KCNAB1: variants seen among roughly 807,000 people sequenced by gnomAD.
KCNAB1 encodes the protein voltage-gated potassium channel subunit beta-1.
KCNAB1 carries 35 observed loss-of-function variants against 64.6 expected under a neutral mutation model. That is an observed-to-expected ratio of 0.54 (90% CI 0.41 to 0.72). The LOEUF (loss-of-function observed/expected upper bound fraction) is 0.72. Ranked by LOEUF, KCNAB1 falls within the 30% of genes least tolerant of loss-of-function variation. KCNAB1 has a pLI of 0.00. For synonymous variants in KCNAB1, 177 were observed against 183.8 expected, an observed-to-expected ratio of 0.96 and a Z score of 0.30; for missense variants, 401 against 512.9, an observed-to-expected ratio of 0.78 and a Z score of 2.11.
At chr3:156,466,954 A>G (rs1361301911) in intron 7 of KCNAB1, among the ~76,000 whole-genome samples, 2 of 152,126 alleles carry the variant, frequency 1.3e-5, no homozygotes, top group Non-Finnish European at 2.9e-5. Context: ...TCCCAAATTT[A>G]TGATGGGATT....
intron 1 of KCNAB1, among the ~76,000 whole-genome samples, chr3:156,362,195 A>G (rs1388972478): frequency 1.3e-5 from 2 of 152,220 alleles, no homozygotes; most frequent in African/African-American, 4.8e-5. Context: ...ATTATGGCTG[A>G]TTTTTCATTA....
At chr3:156,245,758 A>G (rs2108455560) in intron 1 of KCNAB1, among the ~76,000 whole-genome samples, 1 of 152,316 alleles carries the variant, frequency 6.6e-6, no homozygotes, top group Admixed American at 6.5e-5. Flanking sequence ...TTGCCCATGG[A>G]CTGTAGGGTC....
intron 2 of KCNAB1, among the ~76,000 whole-genome samples, chr3:156,450,627 TAA>T (rs1299864531): frequency 3.3e-5 from 5 of 152,328 alleles, no homozygotes; most frequent in African/African-American, 1.2e-4. Context: ...GTGTTGTCTG[TAA>T]AAAGGTTTTG....
chr3:156,306,571 G>A (rs1183847441), intron 1 of KCNAB1, among the ~76,000 whole-genome samples: 1 of 152,204 alleles, frequency 6.6e-6, no homozygotes, highest in Non-Finnish European at 1.5e-5. Context: ...TGTTTTCGGT[G>A]TCCAGATGTC....
intron 12 of KCNAB1, chr3:156,524,286 G>T (rs537839816): frequency 1.7e-5 from 3 of 179,842 alleles, no homozygotes; most frequent in Non-Finnish European, 3.5e-5. Context: ...AACTAAACCA[G>T]GGTTGGTGAG....
Position 156,158,161 on chromosome 3 carries a change from T to C in KCNAB1, c.275+37275T>C, listed in dbSNP as rs867802990. Among the ~76,000 whole-genome samples, 10 of 98,508 alleles carry C rather than the reference T, an allele frequency of 1.0e-4. 1 individual carries two copies. The highest frequency in any genetic ancestry group is 3.8e-4 in the African/African-American group (10 of 26,160). The allele number at this position is 98,508 out of a possible 152,430, so 64.6% of individuals were successfully genotyped here. ...GCCTGGGTGACAGAGCGAAACTCTG[T>C]CTCAAAAAAAAAAATAAAAAATAAA... is the stretch of plus-strand genomic sequence containing the variant. On this transcript the variant is annotated intron_variant, in intron 1 of 13. Coordinates refer to ENST00000490337, the MANE Select transcript of KCNAB1 (RefSeq NM_172160.3).
intron 1 of KCNAB1, among the ~76,000 whole-genome samples, chr3:156,280,365 C>G (rs1249330174): frequency 6.6e-6 from 1 of 151,566 alleles, no homozygotes; most frequent in Admixed American, 6.6e-5. Flanking sequence ...GTTTTGGTTA[C>G]TGTAGCGTTG....
In KCNAB1 at chr3:156,305,938, A is replaced by G. The variant is rs187657889; in HGVS notation, c.276-115678A>G. ...GAGTCTTTGTTTTTGTTGGTCTGCTAAGAATGTGGGTCAGCATAAGGTAGC... is the reference window on the plus strand; with the variant it reads ...GAGTCTTTGTTTTTGTTGGTCTGCTGAGAATGTGGGTCAGCATAAGGTAGC... On this transcript the variant is annotated intron_variant, in intron 1 of 13. Transcript: ENST00000490337. Among the ~76,000 whole-genome samples the G allele has an allele frequency of 5.9e-5, 9 of 152,324 alleles. No homozygotes were observed. In the East Asian group the frequency reaches 1.7e-3, roughly 29 times the overall value.
chr3:156,408,149 T>G (rs886137400), intron 1 of KCNAB1, among the ~76,000 whole-genome samples: 1 of 152,078 alleles, frequency 6.6e-6, no homozygotes, highest in African/African-American at 2.4e-5. Flanking sequence ...GAAACTTTTA[T>G]TTTTCTCCTT....
chr3:156,144,109 G>A (rs1714900363), intron 1 of KCNAB1, among the ~76,000 whole-genome samples: 1 of 152,098 alleles, frequency 6.6e-6, no homozygotes, highest in Non-Finnish European at 1.5e-5. Flanking sequence ...CCTATTCAGA[G>A]CAATTATTGC....
rs543697610 is a variant in KCNAB1 at position 156,284,390 on chromosome 3, T to G, written c.276-137226T>G. On this transcript the variant is annotated intron_variant, in intron 1 of 13. Coordinates refer to ENST00000490337, the MANE Select transcript of KCNAB1 (RefSeq NM_172160.3). ...TTCAAAGCTGTCAGACAGGGACATGTAAGTCTGCAGAAGTTACTGCTGTCT... is the reference window on the plus strand; with the variant it reads ...TTCAAAGCTGTCAGACAGGGACATGGAAGTCTGCAGAAGTTACTGCTGTCT... 1.2e-3 allele frequency among the ~76,000 whole-genome samples: 185 copies of G among 152,342 alleles called. 1 individual carries two copies. The highest frequency in any genetic ancestry group is 4.2e-3 in the African/African-American group (176 of 41,574).
At chr3:156,155,705 G>C (rs1473679060) in intron 1 of KCNAB1, among the ~76,000 whole-genome samples, 1 of 152,182 alleles carries the variant, frequency 6.6e-6, no homozygotes, top group Middle Eastern at 3.2e-3. Context: ...AAGAAATGAT[G>C]TCAAGAAGGT....
intron 1 of KCNAB1, among the ~76,000 whole-genome samples, chr3:156,383,670 T>C (rs1712346813): frequency 6.6e-6 from 1 of 152,200 alleles, no homozygotes; most frequent in Non-Finnish European, 1.5e-5. Flanking sequence ...GCTCTTCCCA[T>C]GTGCTCTGGC....
At chr3:156,304,473 A>G (rs1269140703) in intron 1 of KCNAB1, among the ~76,000 whole-genome samples, 1 of 152,236 alleles carries the variant, frequency 6.6e-6, no homozygotes, top group Non-Finnish European at 1.5e-5. Flanking sequence ...TTTGATATCA[A>G]TTCTAAGTTC....
At chr3:156,157,227 A>G (rs554481742) in intron 1 of KCNAB1, among the ~76,000 whole-genome samples, 17 of 152,322 alleles carry the variant, frequency 1.1e-4, no homozygotes, top group Non-Finnish European at 2.1e-4. Flanking sequence ...AAAGACCCAT[A>G]TATGCATGTA....
chr3:156,413,907 C>T (rs532508176), intron 1 of KCNAB1, among the ~76,000 whole-genome samples: 1 of 152,270 alleles, frequency 6.6e-6, no homozygotes, highest in Non-Finnish European at 1.5e-5. Context: ...TGTGATATAT[C>T]GCACTCTGAC....
intron 1 of KCNAB1, among the ~76,000 whole-genome samples, chr3:156,338,263 T>C (rs906540675): frequency 2.0e-5 from 3 of 148,570 alleles, no homozygotes; most frequent in African/African-American, 4.9e-5. Context: ...CCACTTTCCC[T>C]TGGGGAGTCA....
chr3:156,182,528 T>C (rs1712881887), intron 1 of KCNAB1, among the ~76,000 whole-genome samples: 1 of 151,982 alleles, frequency 6.6e-6, no homozygotes, highest in African/African-American at 2.4e-5. Flanking sequence ...AGGTGGACAC[T>C]TCTTCTTCAC....
chr3:156,138,674 A>G (rs1472234635), intron 1 of KCNAB1, among the ~76,000 whole-genome samples: 1 of 152,156 alleles, frequency 6.6e-6, no homozygotes, highest in Non-Finnish European at 1.5e-5. Context: ...AAGGATCATC[A>G]CCTCTATAGC....
Sources: allele counts gnomAD v4.1 joint callset (sites outside exome capture counted in the v4.1 genomes callset), GRCh38; gene constraint gnomAD v4.1.1; transcripts MANE v1.5; gene names NCBI Gene and HGNC (gene_info 2026-07-23, HGNC 2026-07-21).